CSMD1: variants seen among roughly 807,000 people sequenced by gnomAD.
The protein encoded by CSMD1 is CUB and sushi domain-containing protein 1.
A neutral mutation model predicts 417.5 loss-of-function variants in CSMD1; 213 were observed. The ratio of observed to expected loss-of-function variants is 0.51; its 90% CI spans 0.46 to 0.57. The LOEUF is 0.57. Ranked by LOEUF, CSMD1 falls within the 20% of genes least tolerant of loss-of-function variation. The probability of loss-of-function intolerance (pLI) is 0.00; values close to 1 mark genes in which losing one functional copy is unlikely to be tolerated. For synonymous variants in CSMD1, 2,862 were observed against 1,736.8 expected, an observed-to-expected ratio of 1.65 and a Z score of -16.11; for missense variants, 6,923 against 4,529.7, an observed-to-expected ratio of 1.53 and a Z score of -15.17.
intron 2 of CSMD1, among the ~76,000 whole-genome samples, chr8:4,562,054 G>A (rs1798367282): frequency 6.6e-6 from 1 of 152,160 alleles, no homozygotes; most frequent in African/African-American, 2.4e-5. Context: ...AATGCAGCCA[G>A]CAAAGAGACG....
chr8:4,575,276 T>C (rs1407343650), intron 2 of CSMD1, among the ~76,000 whole-genome samples: 3 of 152,226 alleles, frequency 2.0e-5, no homozygotes, highest in African/African-American at 7.2e-5. Context: ...CTCATTATTT[T>C]CATATATGAT....
chr8:4,463,736 G>C (rs889789486), intron 2 of CSMD1, among the ~76,000 whole-genome samples: 1 of 152,118 alleles, frequency 6.6e-6, no homozygotes, highest in Admixed American at 6.5e-5. Context: ...GTTTCCTTTG[G>C]GCCGTGGGGC....
chr8:3,519,812 C>T (rs1585294022), intron 10 of CSMD1, among the ~76,000 whole-genome samples: 1 of 146,870 alleles, frequency 6.8e-6, no homozygotes, highest in African/African-American at 2.5e-5. Flanking sequence ...TGCTACATTA[C>T]TGTTACCTCT....
intron 10 of CSMD1, among the ~76,000 whole-genome samples, chr8:3,558,537 A>T (rs1009400168): frequency 8.1e-5 from 12 of 148,906 alleles, no homozygotes; most frequent in Admixed American, 2.0e-4. Flanking sequence ...TCCAACGATG[A>T]ACGGTGTCTC....
intron 11 of CSMD1, among the ~76,000 whole-genome samples, chr8:3,485,406 T>C (rs923756888): frequency 6.6e-6 from 1 of 151,398 alleles, no homozygotes; most frequent in Non-Finnish European, 1.5e-5. Flanking sequence ...AAACAGGGAG[T>C]TGGCTATGAT....
At chr8:3,380,313 T>C (rs549163177) in intron 18 of CSMD1, among the ~76,000 whole-genome samples, 156 of 152,270 alleles carry the variant, frequency 1.0e-3, no homozygotes, top group Non-Finnish European at 1.7e-3. Flanking sequence ...AGTTCAACCA[T>C]TGTGGAAGAC....
intron 5 of CSMD1, among the ~76,000 whole-genome samples, chr8:3,927,994 T>C (rs577670367): frequency 6.6e-6 from 1 of 152,188 alleles, no homozygotes; most frequent in Non-Finnish European, 1.5e-5. Flanking sequence ...AAGAATATGA[T>C]GGTTTTAAAA....
chr8:4,718,042 A>G (rs1038599355), intron 1 of CSMD1, among the ~76,000 whole-genome samples: 8 of 152,150 alleles, frequency 5.3e-5, no homozygotes, highest in Admixed American at 4.6e-4. Flanking sequence ...CAGTGGCACA[A>G]TCACAGCTCC....
intron 50 of CSMD1, among the ~76,000 whole-genome samples, chr8:3,048,646 G>C (rs1811614861): frequency 6.6e-6 from 1 of 152,096 alleles, no homozygotes; most frequent in Non-Finnish European, 1.5e-5. Flanking sequence ...GATAACATAG[G>C]AGAAAATTGT....
intron 2 of CSMD1, among the ~76,000 whole-genome samples, chr8:4,536,616 A>C (rs973847077): frequency 2.0e-5 from 3 of 152,238 alleles, no homozygotes; most frequent in East Asian, 3.8e-4. Context: ...ACAAGTGGAT[A>C]CTGAGAATAG....
chr8:4,667,253 T>A (rs1804997369), intron 1 of CSMD1, among the ~76,000 whole-genome samples: 3 of 152,174 alleles, frequency 2.0e-5, no homozygotes, highest in African/African-American at 7.2e-5. Context: ...TTGATTACTG[T>A]AGCATGAAAA....
intron 1 of CSMD1, among the ~76,000 whole-genome samples, chr8:4,840,847 T>C (rs1800799904): frequency 1.3e-5 from 2 of 152,366 alleles, no homozygotes; most frequent in East Asian, 1.9e-4. Flanking sequence ...TCATTACCAC[T>C]ATTAATAAAA....
intron 46 of CSMD1, among the ~76,000 whole-genome samples, chr8:3,097,449 T>C (rs1162266218): frequency 7.7e-6 from 1 of 129,288 alleles, no homozygotes; most frequent in African/African-American, 2.5e-5. Flanking sequence ...TGGCTTTAAA[T>C]ATACAGTAGG....
At chr8:3,378,281 C>A (rs369389437) in intron 18 of CSMD1, among the ~76,000 whole-genome samples, 2 of 152,084 alleles carry the variant, frequency 1.3e-5, no homozygotes, top group East Asian at 3.9e-4. Context: ...AAAAGAAGCC[C>A]AGGACCAGGT....
chr8:4,906,468 A>G (rs1233814474), intron 1 of CSMD1, among the ~76,000 whole-genome samples: 2 of 151,736 alleles, frequency 1.3e-5, no homozygotes, highest in Non-Finnish European at 2.9e-5. Context: ...TTTTTGTAGC[A>G]AAGGAATACA....
At chr8:3,787,438 T>G (rs1041866391) in intron 5 of CSMD1, among the ~76,000 whole-genome samples, 2 of 152,184 alleles carry the variant, frequency 1.3e-5, no homozygotes, top group African/African-American at 4.8e-5. Flanking sequence ...ATTCATTTTC[T>G]AAATGATATA....
At chr8:4,731,410 T>A (rs1021267122) in intron 1 of CSMD1, among the ~76,000 whole-genome samples, 1 of 152,184 alleles carries the variant, frequency 6.6e-6, no homozygotes, top group Non-Finnish European at 1.5e-5. Flanking sequence ...CTTTTCATAT[T>A]TTTCCGTATT....
intron 8 of CSMD1, among the ~76,000 whole-genome samples, chr8:3,595,094 T>C (rs945713208): frequency 6.6e-6 from 1 of 152,154 alleles, no homozygotes; most frequent in Non-Finnish European, 1.5e-5. Context: ...AGGTATCCTC[T>C]CCGATTGTCC....
intron 39 of CSMD1, among the ~76,000 whole-genome samples, chr8:3,156,132 A>G (rs1359115722): frequency 6.6e-6 from 1 of 152,222 alleles, no homozygotes; most frequent in Non-Finnish European, 1.5e-5. Context: ...TTTTAAGGCT[A>G]TTCTGTGGCC....
Sources: gnomAD v4.1 joint callset for allele counts (sites outside exome capture counted in the v4.1 genomes callset) on GRCh38, gnomAD v4.1.1 for gene constraint, MANE v1.5 for transcripts, NCBI Gene and HGNC (gene_info 2026-07-23, HGNC 2026-07-21) for gene names.